NADSYN1: variants seen among roughly 807,000 people sequenced by gnomAD.
The protein encoded by NADSYN1 is glutamine-dependent NAD(+) synthetase.
NADSYN1 carries 80 observed loss-of-function variants against 99.3 expected under a neutral mutation model. The observed-to-expected ratio is 0.81, with a 90% CI of 0.67 to 0.97. The LOEUF (loss-of-function observed/expected upper bound fraction) is 0.97, where lower values mean the gene tolerates loss of function less well. Ranked by LOEUF, NADSYN1 falls within the 50% of genes least tolerant of loss-of-function variation. The pLI is 0.00. For missense variants in NADSYN1, 859 were observed against 948.5 expected, an observed-to-expected ratio of 0.91 and a Z score of 1.24; for synonymous variants, 385 against 372.1, an observed-to-expected ratio of 1.03 and a Z score of -0.40.
At position 71,463,456 on chromosome 11, in the gene NADSYN1, C is replaced by T. The variant is rs761884410; in HGVS notation, c.288C>T (p.Arg96=). The T allele has an allele frequency of 1.9e-6, 3 of 1,614,130 alleles. No individual in the cohort carries two copies. Among genetic ancestry groups the T allele is most frequent in the Non-Finnish European group, 2.5e-6 (3 of 1,179,982 alleles). Reference sequence around the variant, plus strand: ...GGCCTGTAATGCACCGAAACGTCCGCTACAACTGCAGAGTGATATTCCTCA... The same window carrying T: ...GGCCTGTAATGCACCGAAACGTCCGTTACAACTGCAGAGTGATATTCCTCA... ...VGMPVMHRNV[R]YNCRVIFLNR... The change falls in exon 4 of 21, where the codon CGC becomes CGT. Residue 96 remains arginine, a synonymous_variant. Transcript: ENST00000319023.
intron 9 of NADSYN1, chr11:71,474,860 A>G: frequency 2.7e-6 from 1 of 369,638 alleles, no homozygotes. Context: ...GTCTGGAGAC[A>G]GCTGAACCCC....
intron 17 of NADSYN1, among the ~76,000 whole-genome samples, chr11:71,491,281 A>G (rs1949777305): frequency 1.3e-5 from 2 of 152,264 alleles, no homozygotes; most frequent in South Asian, 4.1e-4. Context: ...ATCTGAGCAG[A>G]GCGCCTGTGC....
intron 3 of NADSYN1, chr11:71,458,960 A>C: frequency 4.8e-6 from 1 of 206,338 alleles, no homozygotes; most frequent in Non-Finnish European, 1.0e-5. Flanking sequence ...TGCATGCTCC[A>C]TGCTGGTGTC....
intron 1 of NADSYN1, 80 bp from the exon 2 acceptor site, chr11:71,455,030 C>A: frequency 9.5e-7 from 1 of 1,052,134 alleles, no homozygotes; most frequent in East Asian, 2.4e-5. Context: ...ATCCTACCTA[C>A]TGCAGCAGGT....
At chr11:71,453,469 C>T in intron 1 of NADSYN1, 88 bp downstream of exon 1, 3 of 1,255,916 alleles carry the variant, frequency 2.4e-6, no homozygotes, top group Middle Eastern at 4.1e-4. Flanking sequence ...TGCTCACAGC[C>T]TTGCCCTGGG....
In NADSYN1 at chr11:71,472,354, C is replaced by A. The variant is rs12280406; in HGVS notation, c.408-95C>A. 7.9e-6 allele frequency: 8 copies of A among 1,012,036 alleles called. No homozygotes were observed. In the East Asian group the frequency reaches 1.9e-4, roughly 24 times the overall value. 62.7% of individuals were successfully genotyped at this position (1,012,036 alleles called of 1,614,324 possible). A position where few individuals can be genotyped will look rare whatever the true frequency, so the allele number is the denominator to read the frequency against. ...CAGTTCCTTTGCCAGTTCATCAGTT[C>A]GGAGGGTTCAGTTTGAGTTTTGTTT... On this transcript the variant is annotated intron_variant, in intron 5 of 20. Transcript: ENST00000319023.
intron 19 of NADSYN1, among the ~76,000 whole-genome samples, 189 bp from the exon 20 acceptor site, chr11:71,498,163 G>T (rs1949832935): frequency 6.6e-6 from 1 of 152,196 alleles, no homozygotes; most frequent in Admixed American, 6.5e-5. Flanking sequence ...GAGGCAGGGG[G>T]ACCCCGGTTT....
intron 10 of NADSYN1, 116 bp from the exon 11 acceptor site, chr11:71,480,639 T>C (rs1949699575): frequency 6.7e-7 from 1 of 1,502,092 alleles, no homozygotes; most frequent in East Asian, 2.3e-5. Context: ...GTGGCCTCAC[T>C]GTGGTTTTGA....
rs1047900965 is a variant in NADSYN1 at position 71,501,550 on chromosome 11, C to G, written c.*198C>G. Reference sequence around the variant, plus strand: ...CCTGGGCTTAAAAAGAGGCTGGAATCCAATGCACATGATTTTGACCTCCCG... The same window carrying G: ...CCTGGGCTTAAAAAGAGGCTGGAATGCAATGCACATGATTTTGACCTCCCG... On this transcript the variant is annotated 3_prime_UTR_variant, in exon 21 of 21. Transcript: ENST00000319023. The G allele has an allele frequency of 4.5e-5, 26 of 578,142 alleles. No individual in the cohort carries two copies. The highest frequency in any genetic ancestry group is 6.9e-5 in the Non-Finnish European group (23 of 331,310). 35.8% of individuals were successfully genotyped at this position (578,142 alleles called of 1,614,324 possible).
chr11:71,499,695 C>G (rs1429117194), intron 20 of NADSYN1: 1 of 152,214 alleles, frequency 6.6e-6, no homozygotes, highest in East Asian at 1.9e-4. Context: ...CATGGCCTCC[C>G]TAGCGCAGGG....
intron 20 of NADSYN1, among the ~76,000 whole-genome samples, chr11:71,500,387 C>CA (rs397821328): frequency 2.0e-5 from 3 of 151,892 alleles, no homozygotes; most frequent in Non-Finnish European, 4.4e-5. Flanking sequence ...CGTTGACCCC[C>CA]CGAGGAGACA....
intron 8 of NADSYN1, 67 bp downstream of exon 8, chr11:71,473,753 C>A: frequency 1.8e-6 from 2 of 1,132,992 alleles, no homozygotes; most frequent in Non-Finnish European, 2.6e-6. Context: ...CCTGCATCCT[C>A]AGTGCCCATC....
At chr11:71,458,848 A>C in intron 3 of NADSYN1, 1 of 289,480 alleles carries the variant, frequency 3.5e-6, no homozygotes, top group Non-Finnish European at 6.8e-6. Flanking sequence ...AGAGAGCTTG[A>C]CTCACATCAC....
rs1565610262 is a variant in NADSYN1 at position 71,501,504 on chromosome 11, CA to C, written c.*157del. The C allele has an allele frequency of 1.5e-6, 1 of 652,370 alleles. No individual in the cohort carries two copies. 40.4% of individuals were successfully genotyped at this position (652,370 alleles called of 1,614,324 possible). ...GAGGGAACTTTTCAGTCAAATTCCT[CA>C]AAAAGAGGCTGGAATAAAGCCTGGG... On this transcript the variant is annotated 3_prime_UTR_variant, in exon 21 of 21. Coordinates refer to ENST00000319023, the MANE Select transcript of NADSYN1 (RefSeq NM_018161.5).
intron 3 of NADSYN1, among the ~76,000 whole-genome samples, chr11:71,461,620 G>A (rs1014596108): frequency 2.6e-5 from 4 of 151,988 alleles, no homozygotes; most frequent in African/African-American, 9.7e-5. Flanking sequence ...GTAGAGATGG[G>A]GTTTCATCAT....
chr11:71,485,888 G>A (rs774773026), intron 16 of NADSYN1, among the ~76,000 whole-genome samples: 6 of 152,018 alleles, frequency 3.9e-5, no homozygotes, highest in Non-Finnish European at 7.4e-5. Flanking sequence ...TCTCTACTGC[G>A]CCTCAAATTC....
chr11:71,501,020 G>C (rs1463095541), intron 20 of NADSYN1, among the ~76,000 whole-genome samples: 1 of 152,136 alleles, frequency 6.6e-6, no homozygotes, highest in East Asian at 1.9e-4. Context: ...TCAGGAAGGG[G>C]GTTCAGACAC....
At chr11:71,490,633 C>T (rs1591135183) in intron 16 of NADSYN1, among the ~76,000 whole-genome samples, 2 of 152,356 alleles carry the variant, frequency 1.3e-5, no homozygotes, top group African/African-American at 4.8e-5. Flanking sequence ...TGCCTGCCAT[C>T]CCCGGCGTCT....
intron 16 of NADSYN1, among the ~76,000 whole-genome samples, chr11:71,488,269 C>T (rs1591134307): frequency 6.6e-6 from 1 of 152,024 alleles, no homozygotes; most frequent in Non-Finnish European, 1.5e-5. Flanking sequence ...CAGCAGATAA[C>T]ATGTGTATTG....
Sources: allele counts gnomAD v4.1 joint callset (sites outside exome capture counted in the v4.1 genomes callset), GRCh38; gene constraint gnomAD v4.1.1; transcripts MANE v1.5; gene names NCBI Gene and HGNC (gene_info 2026-07-23, HGNC 2026-07-21).